The following RBFOX1 variants were observed in gnomAD, a reference collection of about 807,000 sequenced individuals.
The protein encoded by RBFOX1 is RNA binding protein fox-1 homolog 1.
In RBFOX1, 8 loss-of-function variants were observed where a neutral mutation model predicts 57.7. The observed-to-expected ratio is 0.14, with a 90% confidence interval of 0.08 to 0.25. The LOEUF is 0.25. RBFOX1 is among the 10% of genes least tolerant of loss of function. RBFOX1 has a pLI of 1.00. For missense variants in RBFOX1, 611 were observed against 548.5 expected (o/e 1.11, Z -1.14); for synonymous variants, 326 against 222.4 (o/e 1.47, Z -4.15).
intron 2 of RBFOX1, among the ~76,000 whole-genome samples, chr16:6,557,113 A>G (rs557740981): frequency 2.1e-5 from 3 of 142,332 alleles, no homozygotes; most frequent in African/African-American, 7.5e-5. Context: ...ATACATATAT[A>G]CATATATACA....
chr16:6,508,186 T>A (rs531433184), intron 2 of RBFOX1, among the ~76,000 whole-genome samples: 1 of 151,500 alleles, frequency 6.6e-6, no homozygotes, highest in East Asian at 2.0e-4. Context: ...ACACATAGAG[T>A]GAAACAACAC....
intron 1 of RBFOX1, among the ~76,000 whole-genome samples, chr16:5,291,910 G>A (rs1293585741): frequency 1.4e-5 from 2 of 147,294 alleles, no homozygotes; most frequent in South Asian, 4.4e-4. Context: ...CCCTCCAGCC[G>A]AAGGTTACTT....
chr16:7,073,157 G>A (rs1020946542), intron 4 of RBFOX1, among the ~76,000 whole-genome samples: 4 of 152,146 alleles, frequency 2.6e-5, no homozygotes, highest in Non-Finnish European at 5.9e-5. Context: ...ATTATGCTCT[G>A]CAGGCAACAT....
chr16:6,856,410 G>T (rs906892975), intron 3 of RBFOX1, among the ~76,000 whole-genome samples: 4 of 152,118 alleles, frequency 2.6e-5, no homozygotes, highest in African/African-American at 7.2e-5. Flanking sequence ...CTAGGATTTA[G>T]GTGAGCAATC....
chr16:7,085,403 T>C (rs1012181150), intron 4 of RBFOX1, among the ~76,000 whole-genome samples: 2 of 152,178 alleles, frequency 1.3e-5, no homozygotes, highest in African/African-American at 4.8e-5. Context: ...CTCTTGGTTT[T>C]TAAATATTGG....
chr16:7,597,300 A>C (rs2094754800), intron 8 of RBFOX1, 71 bp from the exon 9 acceptor site: 1 of 1,120,718 alleles, frequency 8.9e-7, no homozygotes, highest in South Asian at 1.4e-5. Context: ...TCACGGTCAT[A>C]ATGCATGCAA....
intron 2 of RBFOX1, among the ~76,000 whole-genome samples, chr16:5,594,890 G>C (rs930489894): frequency 4.0e-5 from 6 of 150,190 alleles, no homozygotes; most frequent in African/African-American, 1.5e-4. Flanking sequence ...CCAGCACTTT[G>C]GGAGGTTGAA....
chr16:5,411,640 C>A (rs2067024353), intron 1 of RBFOX1, among the ~76,000 whole-genome samples: 1 of 152,128 alleles, frequency 6.6e-6, no homozygotes, highest in Non-Finnish European at 1.5e-5. Flanking sequence ...GTGACTGACA[C>A]TGTGGTCCCA....
intron 4 of RBFOX1, among the ~76,000 whole-genome samples, chr16:7,502,900 G>A (rs1446158151): frequency 1.3e-5 from 2 of 152,134 alleles, no homozygotes; most frequent in Non-Finnish European, 2.9e-5. Context: ...GCAGGTGCCT[G>A]TAATCCTAGC....
chr16:5,908,344 GT>G (rs2058527533), intron 4 of RBFOX1, among the ~76,000 whole-genome samples: 2 of 80,896 alleles, frequency 2.5e-5, no homozygotes, highest in Admixed American at 1.5e-4. Flanking sequence ...GTGTGTGTGT[GT>G]GTGTGTGTCT....
chr16:7,052,512 T>C (rs1039271825), intron 4 of RBFOX1, among the ~76,000 whole-genome samples: 4 of 152,182 alleles, frequency 2.6e-5, no homozygotes, highest in African/African-American at 4.8e-5. Context: ...GAGCAAGGAA[T>C]ATGTCAAGGG....
chr16:6,500,938 G>A (rs2095898959), intron 2 of RBFOX1, among the ~76,000 whole-genome samples: 1 of 109,810 alleles, frequency 9.1e-6, no homozygotes, highest in Non-Finnish European at 1.9e-5. Context: ...TTAAGTTTTG[G>A]GTTGGTGTTG....
chr16:6,839,011 G>C (rs371427808), intron 3 of RBFOX1, among the ~76,000 whole-genome samples: 1 of 151,648 alleles, frequency 6.6e-6, no homozygotes. Context: ...TTGTGACCGA[G>C]TCTTGCTCTG....
At chr16:6,541,504 C>T (rs1326522196) in intron 2 of RBFOX1, among the ~76,000 whole-genome samples, 1 of 152,162 alleles carries the variant, frequency 6.6e-6, no homozygotes, top group East Asian at 1.9e-4. Context: ...AACAGTGTCA[C>T]ATCAGGGTGA....
chr16:6,891,415 C>G (rs1223809146), intron 3 of RBFOX1, among the ~76,000 whole-genome samples: 1 of 152,080 alleles, frequency 6.6e-6, no homozygotes, highest in Non-Finnish European at 1.5e-5. Flanking sequence ...ACCCGTTTGC[C>G]TTTTCTACCT....
At chr16:5,356,869 A>G (rs1347550182) in intron 1 of RBFOX1, among the ~76,000 whole-genome samples, 1 of 152,222 alleles carries the variant, frequency 6.6e-6, no homozygotes, top group Admixed American at 6.5e-5. Flanking sequence ...TAATGTTTAT[A>G]ATAGCAATGA....
At chr16:6,238,106 A>G (rs182265559) in intron 1 of RBFOX1, among the ~76,000 whole-genome samples, 16,993 of 150,470 alleles carry the variant, frequency 0.11, 1,257 homozygotes, top group South Asian at 0.18. Context: ...AAAAAAAAAA[A>G]AAAAAGAAAG....
In RBFOX1 at chr16:6,190,912, A is replaced by G. The variant is rs996282515; in HGVS notation, c.-126-126083A>G. 4.6e-4 allele frequency among the ~76,000 whole-genome samples: 70 copies of G among 152,252 alleles called. 2 individuals are homozygous for G. Among genetic ancestry groups the G allele is most frequent in the African/African-American group, 1.7e-3 (70 of 41,550 alleles). On this transcript the variant is annotated intron_variant, in intron 1 of 15. Coordinates refer to ENST00000550418, the MANE Select transcript of RBFOX1 (RefSeq NM_018723.4). ...CTTGTGTGTGGTGTGACTGTAAGTG[A>G]GAGTGAATGACAACACGCCGGGGGC... is the stretch of plus-strand genomic sequence containing the variant.
At chr16:7,168,277 C>T (rs568905922) in intron 4 of RBFOX1, among the ~76,000 whole-genome samples, 5 of 152,062 alleles carry the variant, frequency 3.3e-5, no homozygotes, top group African/African-American at 7.2e-5. Context: ...AGTGGGTTTT[C>T]TTCTTCTCAG....
Sources: gnomAD v4.1 joint callset for allele counts (sites outside exome capture counted in the v4.1 genomes callset) on GRCh38, gnomAD v4.1.1 for gene constraint, MANE v1.5 for transcripts, NCBI Gene and HGNC (gene_info 2026-07-23, HGNC 2026-07-21) for gene names.